Variants in FSBP observed in about 807,000 individuals in gnomAD.
FSBP encodes the protein fibrinogen silencer binding protein, also known as fibrinogen silencer-binding protein.
Under a neutral mutation model 24.6 loss-of-function variants are expected in FSBP, and 18 were observed. That is an observed-to-expected ratio of 0.73 (90% CI 0.51 to 1.08). FSBP has a LOEUF of 1.08. Among genes scored for constraint, FSBP ranks in the 50% least tolerant of loss-of-function variants. The pLI is 0.00. For missense variants in FSBP, 305 were observed against 347.6 expected (o/e 0.88, Z 0.98); for synonymous variants, 110 against 125.8 (o/e 0.87, Z 0.84).
intron 1 of FSBP, among the ~76,000 whole-genome samples, chr8:94,433,075 C>T (rs974682128): frequency 2.6e-5 from 4 of 152,098 alleles, no homozygotes; most frequent in African/African-American, 7.2e-5. Context: ...CAGGCTTCTG[C>T]TCTCCTGGAC....
Position 94,432,659 on chromosome 8 carries a change from A to G in FSBP, c.375-3T>C, listed in dbSNP as rs1563655263. ...GTGCCTCCTCATCCAAGTTTGCACT[A>G]TAGCACACAAAAAAGCATTATAATA... On this transcript the variant is annotated splice_region_variant and splice_polypyrimidine_tract_variant and intron_variant, in intron 1 of 1. Transcript: ENST00000481490. 1.0e-5 allele frequency: 15 copies of G among 1,501,304 alleles called. No individual in the cohort carries two copies. The highest frequency in any genetic ancestry group is 1.3e-5 in the Non-Finnish European group (15 of 1,123,616). 93.0% of individuals were successfully genotyped at this position (1,501,304 alleles called of 1,614,324 possible).
Position 94,429,388 on chromosome 8 carries a change from T to C in FSBP, c.*2743A>G, listed in dbSNP as rs571249793. 6 of 756,768 alleles carry C rather than the reference T, an allele frequency of 7.9e-6. No homozygotes were observed. The African/African-American group carries it at 9.5e-5, about 12-fold the overall frequency. The allele number at this position is 756,768 out of a possible 1,614,324, so 46.9% of individuals were successfully genotyped here. A position where few individuals can be genotyped will look rare whatever the true frequency, so the allele number is the denominator to read the frequency against. On this transcript the variant is annotated 3_prime_UTR_variant, in exon 2 of 2. Coordinates refer to ENST00000481490, the MANE Select transcript of FSBP (RefSeq NM_001256141.2). ...CACCAAAAATAAAAAAGATGTATAC[T>C]GCACTTTTTTTTAACACAGATCTCT...
rs1417143850 is a variant in FSBP, at chr8:94,430,637, T to C, written c.*1494A>G. The C allele has an allele frequency of 1.6e-6, 1 of 626,278 alleles. No homozygotes were observed. Among genetic ancestry groups the C allele is most frequent in the Non-Finnish European group, 2.0e-6 (1 of 502,508 alleles). The allele number at this position is 626,278 out of a possible 1,614,324, so 38.8% of individuals were successfully genotyped here. ...ACCCATACTTGGAAAACCATTGGTC[T>C]ACTCCAAAGGCCACAAAGTGGAAGC... On this transcript the variant is annotated 3_prime_UTR_variant, in exon 2 of 2. Coordinates refer to ENST00000481490, the MANE Select transcript of FSBP (RefSeq NM_001256141.2).
In FSBP at chr8:94,430,694, G is replaced by T; in HGVS notation, c.*1437C>A. The T allele has an allele frequency of 1.1e-6, 1 of 878,108 alleles. No individual in the cohort carries two copies. Among genetic ancestry groups the T allele is most frequent in the Non-Finnish European group, 1.4e-6 (1 of 732,264 alleles). The allele number at this position is 878,108 out of a possible 1,614,324, so 54.4% of individuals were successfully genotyped here. A position where few individuals can be genotyped will look rare whatever the true frequency, so the allele number is the denominator to read the frequency against. On this transcript the variant is annotated 3_prime_UTR_variant, in exon 2 of 2. Coordinates refer to ENST00000481490, the MANE Select transcript of FSBP (RefSeq NM_001256141.2). Reference sequence around the variant, plus strand: ...GCTCAGTGAGGCCCACTCACATGTTGTCTGTATAATGTTTTAAAAGCATTT... The same window carrying T: ...GCTCAGTGAGGCCCACTCACATGTTTTCTGTATAATGTTTTAAAAGCATTT...
In FSBP at chr8:94,429,659, A is replaced by G. The variant is rs1349512163; in HGVS notation, c.*2472T>C. 2.7e-5 allele frequency: 27 copies of G among 983,580 alleles called. No individual in the cohort carries two copies. Among genetic ancestry groups the G allele is most frequent in the Non-Finnish European group, 1.8e-5 (15 of 828,386 alleles). The allele number at this position is 983,580 out of a possible 1,614,324, so 60.9% of individuals were successfully genotyped here. On this transcript the variant is annotated 3_prime_UTR_variant, in exon 2 of 2. Coordinates refer to ENST00000481490, the MANE Select transcript of FSBP (RefSeq NM_001256141.2). ...ATTACCTCAAATTAAGAATTACAAGATTCATTAGACTCAAAGAAAAGTCAT... is the reference window on the plus strand; with the variant it reads ...ATTACCTCAAATTAAGAATTACAAGGTTCATTAGACTCAAAGAAAAGTCAT...
At chr8:94,432,774 C>A in intron 1 of FSBP, 118 bp from the exon 2 acceptor site, 2 of 1,245,444 alleles carry the variant, frequency 1.6e-6, no homozygotes, top group South Asian at 2.7e-5. Flanking sequence ...TATAAAGTTA[C>A]AAAATAAAAA....
chr8:94,431,402 A>C lies in FSBP; in HGVS notation c.*729T>G. 1.0e-6 allele frequency: 1 copy of C among 984,882 alleles called. No homozygotes were observed. The highest frequency in any genetic ancestry group is 4.7e-5 in the South Asian group (1 of 21,276). The allele number at this position is 984,882 out of a possible 1,614,324, so 61.0% of individuals were successfully genotyped here. A position where few individuals can be genotyped will look rare whatever the true frequency, so the allele number is the denominator to read the frequency against. ...ATTGATGTAATTATCCTGATTTCAC[A>C]ACCTAACAATCTTTAAAGGCAATTT... On this transcript the variant is annotated 3_prime_UTR_variant, in exon 2 of 2. Transcript: ENST00000481490.
chr8:94,435,298 T>A (rs1812225651), intron 1 of FSBP, among the ~76,000 whole-genome samples: 1 of 152,112 alleles, frequency 6.6e-6, no homozygotes, highest in South Asian at 2.1e-4. Flanking sequence ...ATATTTTTTT[T>A]ACTGTGCTAT....
In FSBP at chr8:94,428,611, C is replaced by T. The variant is rs1206153333; in HGVS notation, c.*3520G>A. ...AGCCCAACTCCTACCTCAGTTATAC[C>T]GTCTTTTTAAATTTCGTATTACTTT... On this transcript the variant is annotated 3_prime_UTR_variant, in exon 2 of 2. Transcript: ENST00000481490. The T allele has an allele frequency of 5.3e-6, 3 of 566,224 alleles. No individual in the cohort carries two copies. Among genetic ancestry groups the T allele is most frequent in the African/African-American group, 4.1e-5 (2 of 48,800 alleles). The allele number at this position is 566,224 out of a possible 1,614,324, so 35.1% of individuals were successfully genotyped here.
rs1437537925 is a variant in FSBP, at chr8:94,428,861, G to GA, written c.*3269dup. ...AAAAAAGTCTCAATACAAAAAAGAA[G>GA]AAAAAAAAAGGTTTGGTTCCAAATT... On this transcript the variant is annotated 3_prime_UTR_variant, in exon 2 of 2. Coordinates refer to ENST00000481490, the MANE Select transcript of FSBP (RefSeq NM_001256141.2). The GA allele has an allele frequency of 1.2e-4, 115 of 979,924 alleles. No individual in the cohort carries two copies. In the South Asian group the frequency reaches 3.2e-3, roughly 27 times the overall value. The allele number at this position is 979,924 out of a possible 1,614,324, so 60.7% of individuals were successfully genotyped here. A position where few individuals can be genotyped will look rare whatever the true frequency, so the allele number is the denominator to read the frequency against.
At chr8:94,434,613 T>C (rs976356182) in intron 1 of FSBP, among the ~76,000 whole-genome samples, 61 of 151,896 alleles carry the variant, frequency 4.0e-4, no homozygotes, top group African/African-American at 1.4e-3. Flanking sequence ...TGTAGAAGTA[T>C]AGTTAAGATT....
rs1812015949 is a variant in FSBP, at chr8:94,429,020, TGAG to T, written c.*3108_*3110del. 1 of 983,478 alleles carries T rather than the reference TGAG, an allele frequency of 1.0e-6. No individual in the cohort carries two copies. The highest frequency in any genetic ancestry group is 4.7e-5 in the South Asian group (1 of 21,242). The allele number at this position is 983,478 out of a possible 1,614,324, so 60.9% of individuals were successfully genotyped here. On this transcript the variant is annotated 3_prime_UTR_variant, in exon 2 of 2. Transcript: ENST00000481490. ...TGGTTATACAAGGGGAGGTAGACAA[TGAG>T]GAGAATTATATGCATTTAAACTTTT...
chr8:94,430,858 T>A lies in FSBP; in HGVS notation c.*1273A>T. Reference sequence around the variant, plus strand: ...TAGTCCAGGGAGATGTCCTTCCTAGTCCAGGATACTACAGCCCAAATTGAC... The same window carrying A: ...TAGTCCAGGGAGATGTCCTTCCTAGACCAGGATACTACAGCCCAAATTGAC... On this transcript the variant is annotated 3_prime_UTR_variant, in exon 2 of 2. Transcript: ENST00000481490. 1 of 985,428 alleles carries A rather than the reference T, an allele frequency of 1.0e-6. No homozygotes were observed. Among genetic ancestry groups the A allele is most frequent in the Non-Finnish European group, 1.2e-6 (1 of 829,928 alleles). The allele number at this position is 985,428 out of a possible 1,614,324, so 61.0% of individuals were successfully genotyped here.
chr8:94,428,819 A>G lies in FSBP; in HGVS notation c.*3312T>C. 1.0e-6 allele frequency: 1 copy of G among 985,208 alleles called. No individual in the cohort carries two copies. The highest frequency in any genetic ancestry group is 1.1e-4 in the East Asian group (1 of 8,816). 61.0% of individuals were successfully genotyped at this position (985,208 alleles called of 1,614,324 possible). The stretch of plus-strand genomic sequence containing the variant: ...ACAAAAACTGCTAATGTTAGTTGGT[A>G]AGTAGTCCCCTAACTCAAAAAAGTC... On this transcript the variant is annotated 3_prime_UTR_variant, in exon 2 of 2. Transcript: ENST00000481490.
rs1009563474 is a variant in FSBP, at chr8:94,428,046, A to G, written c.*4085T>C. On this transcript the variant is annotated 3_prime_UTR_variant, in exon 2 of 2. Transcript: ENST00000481490. ...GAAATGAGTTTCACTGACTTTTCTC[A>G]GGATGTCATTATAAATCACAGCTAG... is the stretch of plus-strand genomic sequence containing the variant. The G allele has an allele frequency of 4.2e-6, 4 of 948,104 alleles. No individual in the cohort carries two copies. Among genetic ancestry groups the G allele is most frequent in the Non-Finnish European group, 3.8e-6 (3 of 796,072 alleles). The allele number at this position is 948,104 out of a possible 1,614,324, so 58.7% of individuals were successfully genotyped here.
chr8:94,428,963 A>C lies in FSBP; in HGVS notation c.*3168T>G. 1 of 982,792 alleles carries C rather than the reference A, an allele frequency of 1.0e-6. No individual in the cohort carries two copies. Among genetic ancestry groups the C allele is most frequent in the Non-Finnish European group, 1.2e-6 (1 of 827,510 alleles). 60.9% of individuals were successfully genotyped at this position (982,792 alleles called of 1,614,324 possible). ...GTCAAATAAATAATTTTCTTTATAC[A>C]GGAATTCTCATAAACTATACTATGT... On this transcript the variant is annotated 3_prime_UTR_variant, in exon 2 of 2. Transcript: ENST00000481490.
At position 94,429,613 on chromosome 8, in the gene FSBP, A is replaced by G; in HGVS notation, c.*2518T>C. Reference sequence around the variant, plus strand: ...AGCTTACTACTGCCAAGATGTGTTTACTAGAATTATACTGGGAAACATTAC... The same window carrying G: ...AGCTTACTACTGCCAAGATGTGTTTGCTAGAATTATACTGGGAAACATTAC... On this transcript the variant is annotated 3_prime_UTR_variant, in exon 2 of 2. Transcript: ENST00000481490. 1 of 983,172 alleles carries G rather than the reference A, an allele frequency of 1.0e-6. No individual in the cohort carries two copies. The highest frequency in any genetic ancestry group is 1.2e-6 in the Non-Finnish European group (1 of 827,878). The allele number at this position is 983,172 out of a possible 1,614,324, so 60.9% of individuals were successfully genotyped here. A position where few individuals can be genotyped will look rare whatever the true frequency, so the allele number is the denominator to read the frequency against.
rs1318821513 is a variant in FSBP, at chr8:94,432,298, TCTGATG to T, written c.727_732del (p.His243_Gln244del). On this transcript the variant is annotated inframe_deletion, in exon 2 of 2. Coordinates refer to ENST00000481490, the MANE Select transcript of FSBP (RefSeq NM_001256141.2). ...AAATTTTTTTGATTTTCTAAAATTATCTGATGCTCCTCTTTCAACATTTGCAGGATC... is the reference window on the plus strand; with the variant it reads ...AAATTTTTTTGATTTTCTAAAATTATCTCCTCTTTCAACATTTGCAGGATC... 1 of 1,550,358 alleles carries T rather than the reference TCTGATG, an allele frequency of 6.5e-7. No homozygotes were observed. Among genetic ancestry groups the T allele is most frequent in the Non-Finnish European group, 8.7e-7 (1 of 1,146,854 alleles).
In FSBP at chr8:94,429,140, T is replaced by G. The variant is rs781101733; in HGVS notation, c.*2991A>C. 3.1e-5 allele frequency: 30 copies of G among 980,980 alleles called. No individual in the cohort carries two copies. The highest frequency in any genetic ancestry group is 6.2e-5 in the Admixed American group (1 of 16,246). 60.8% of individuals were successfully genotyped at this position (980,980 alleles called of 1,614,324 possible). A position where few individuals can be genotyped will look rare whatever the true frequency, so the allele number is the denominator to read the frequency against. On this transcript the variant is annotated 3_prime_UTR_variant, in exon 2 of 2. Coordinates refer to ENST00000481490, the MANE Select transcript of FSBP (RefSeq NM_001256141.2). Reference sequence around the variant, plus strand: ...AAACTCAAAGAGTGTGATTCTGGTGTTTAAAAATATGTAAAAATAGGTTTC... The same window carrying G: ...AAACTCAAAGAGTGTGATTCTGGTGGTTAAAAATATGTAAAAATAGGTTTC...
Sources: allele counts gnomAD v4.1 joint callset (sites outside exome capture counted in the v4.1 genomes callset), GRCh38; gene constraint gnomAD v4.1.1; transcripts MANE v1.5; gene names NCBI Gene and HGNC (gene_info 2026-07-23, HGNC 2026-07-21).